The following UACA variants were observed in gnomAD, a reference collection of about 807,000 sequenced individuals.
The protein encoded by UACA is uveal autoantigen with coiled-coil domains and ankyrin repeats, also known as nuclear membrane binding protein.
UACA carries 112 observed loss-of-function variants against 160.5 expected under a neutral mutation model. The observed-to-expected ratio is 0.70, with a 90% confidence interval of 0.60 to 0.82. The LOEUF is 0.82. UACA is among the 40% of genes least tolerant of loss of function. The pLI is 0.00. For synonymous variants in UACA, 557 were observed against 568.4 expected, an observed-to-expected ratio of 0.98 and a Z score of 0.29; for missense variants, 1,574 against 1,614.6, an observed-to-expected ratio of 0.97 and a Z score of 0.43.
chr15:70,757,458 T>G (rs534559709), intron 1 of UACA, among the ~76,000 whole-genome samples: 2 of 152,300 alleles, frequency 1.3e-5, no homozygotes, highest in South Asian at 4.2e-4. Flanking sequence ...ACTAACTCTA[T>G]CACCCCTTCT....
chr15:70,687,739 A>C lies in UACA; in HGVS notation c.495+11T>G, dbSNP rs369884096. 14 of 1,613,650 alleles carry C rather than the reference A, an allele frequency of 8.7e-6. No individual in the cohort carries two copies. The highest frequency in any genetic ancestry group is 1.2e-5 in the Non-Finnish European group (14 of 1,179,694). On this transcript the variant is annotated intron_variant, in intron 6 of 18. Coordinates refer to ENST00000322954, the MANE Select transcript of UACA (RefSeq NM_018003.4). The stretch of plus-strand genomic sequence containing the variant: ...ATGAGTTGAAATGAGAATAAACATA[A>C]ACTAACTTACTACATCTTTGGCATT...
the UACA span, among the ~76,000 whole-genome samples, chr15:70,773,862 A>G: frequency 2.0e-5 from 3 of 152,242 alleles, no homozygotes; most frequent in African/African-American, 7.2e-5. Flanking sequence ...TGATTTTGAG[A>G]GTGTGAAGAA....
chr15:70,715,234 A>G (rs1230547771), intron 1 of UACA, among the ~76,000 whole-genome samples: 1 of 152,200 alleles, frequency 6.6e-6, no homozygotes, highest in Admixed American at 6.5e-5. Context: ...CAATGAACAC[A>G]GTAATAGTTA....
intron 1 of UACA, among the ~76,000 whole-genome samples, chr15:70,762,254 G>A (rs1024027339): frequency 3.1e-5 from 4 of 130,090 alleles, no homozygotes; most frequent in African/African-American, 1.1e-4. Flanking sequence ...AGGCATAACT[G>A]AATTAACTCA....
chr15:70,745,366 C>T (rs1183129454), intron 1 of UACA, among the ~76,000 whole-genome samples: 5 of 150,100 alleles, frequency 3.3e-5, no homozygotes, highest in African/African-American at 4.9e-5. Context: ...ACCCGGGAGG[C>T]GGAGCTTGCA....
At chr15:70,774,374 G>A in the UACA span, among the ~76,000 whole-genome samples, 33 of 151,978 alleles carry the variant, frequency 2.2e-4, no homozygotes, top group East Asian at 9.7e-4. Context: ...GTGAAACCCC[G>A]TCTCTACCAA....
the UACA span, among the ~76,000 whole-genome samples, chr15:70,773,462 G>A: frequency 4.6e-5 from 7 of 152,274 alleles, no homozygotes; most frequent in South Asian, 1.2e-3. Context: ...TTTTTTGTAG[G>A]CTGGGAGGAG....
chr15:70,692,532 A>T (rs1897975464), intron 3 of UACA, among the ~76,000 whole-genome samples: 1 of 152,166 alleles, frequency 6.6e-6, no homozygotes, highest in Non-Finnish European at 1.5e-5. Context: ...GCACTTTGAG[A>T]GGCCTAGGCA....
chr15:70,713,822 A>G (rs1162601045), intron 1 of UACA, among the ~76,000 whole-genome samples: 2 of 151,832 alleles, frequency 1.3e-5, no homozygotes, highest in Non-Finnish European at 2.9e-5. Flanking sequence ...AATATAATAG[A>G]TATCTTATAT....
chr15:70,778,314 T>C, the UACA span, among the ~76,000 whole-genome samples: 16 of 152,180 alleles, frequency 1.1e-4, no homozygotes, highest in Admixed American at 1.0e-3. Context: ...TCACCAGAAA[T>C]TTAGCAGCTT....
At chr15:70,759,910 T>C (rs1331182346) in intron 1 of UACA, among the ~76,000 whole-genome samples, 1 of 152,228 alleles carries the variant, frequency 6.6e-6, no homozygotes, top group Non-Finnish European at 1.5e-5. Flanking sequence ...AATCTGCACA[T>C]AATTCTAATT....
chr15:70,703,016 A>T, intron 1 of UACA: 3 of 1,008,388 alleles, frequency 3.0e-6, no homozygotes, highest in Non-Finnish European at 3.9e-6. Context: ...GTTAAACACT[A>T]AAGGAGGCAA....
chr15:70,763,109 G>A (rs1187092529), intron 1 of UACA, among the ~76,000 whole-genome samples: 1 of 152,196 alleles, frequency 6.6e-6, no homozygotes. Flanking sequence ...TGGGAGAAAG[G>A]GGTGGGGAAG....
At position 70,696,893 on chromosome 15, in the gene UACA, T is replaced by C. The variant is rs117627506; in HGVS notation, c.213-1788A>G. ...AAAGAGGTCAACATTATAATGATGA[T>C]GTACAAAAGGGCAGAAATCACAACA... On this transcript the variant is annotated intron_variant, in intron 2 of 18. Transcript: ENST00000322954. Among the ~76,000 whole-genome samples, 960 of 152,294 alleles carry C rather than the reference T, an allele frequency of 6.3e-3. 5 individuals are homozygous for C. Among genetic ancestry groups the C allele is most frequent in the Non-Finnish European group, 9.9e-3 (671 of 68,024 alleles).
At chr15:70,662,308 T>G (rs1315371218) in intron 17 of UACA, among the ~76,000 whole-genome samples, 1 of 152,126 alleles carries the variant, frequency 6.6e-6, no homozygotes, top group Non-Finnish European at 1.5e-5. Context: ...TTACAAGAGA[T>G]GTGAAGGACC....
chr15:70,754,788 T>C (rs2030315737), intron 1 of UACA, among the ~76,000 whole-genome samples: 1 of 152,226 alleles, frequency 6.6e-6, no homozygotes, highest in Non-Finnish European at 1.5e-5. Context: ...TTTATTCTTG[T>C]GTTTTGGGGC....
chr15:70,699,606 C>T lies in UACA; in HGVS notation c.133G>A (p.Gly45Arg), dbSNP rs746900667. ...ATTGAGGTCACTTTTTCTACATCCC[C>T]CCTTTCTGCTGCTTTCATCAATCGG... is the stretch of plus-strand genomic sequence containing the variant. Reference protein sequence around the residue: ...DDRLMKAAERGDVEKVTSILA... With the variant: ...DDRLMKAAERRDVEKVTSILA... Residue 45 changes from glycine (G) to arginine (R), a missense_variant, in exon 2 of 19, where the codon GGG becomes AGG. Transcript: ENST00000322954. The T allele has an allele frequency of 1.9e-6, 3 of 1,611,448 alleles. No individual in the cohort carries two copies. Among genetic ancestry groups the T allele is most frequent in the Non-Finnish European group, 2.5e-6 (3 of 1,179,382 alleles).
At chr15:70,711,602 G>T (rs1898683847) in intron 1 of UACA, among the ~76,000 whole-genome samples, 1 of 152,026 alleles carries the variant, frequency 6.6e-6, no homozygotes, top group African/African-American at 2.4e-5. Context: ...TCAGTTGATA[G>T]TGCCAAGCCC....
Position 70,690,453 on chromosome 15 carries a change from C to T in UACA, c.424+1G>A. ...TGTATCCAAGGGAAACCACTGCTCA[C>T]CGGCATCGTGAAGTGCAGTTCTTCC... On this transcript the variant is annotated splice_donor_variant, in intron 5 of 18. Transcript: ENST00000322954. LOFTEE classifies it high-confidence loss of function. The T allele has an allele frequency of 6.2e-7, 1 of 1,612,502 alleles. No individual in the cohort carries two copies. Among genetic ancestry groups the T allele is most frequent in the East Asian group, 2.2e-5 (1 of 44,796 alleles).
Sources: gnomAD v4.1 joint callset for allele counts (sites outside exome capture counted in the v4.1 genomes callset) on GRCh38, gnomAD v4.1.1 for gene constraint, MANE v1.5 for transcripts, NCBI Gene and HGNC (gene_info 2026-07-23, HGNC 2026-07-21) for gene names.